The following IRF2 variants were observed in gnomAD, a reference collection of about 807,000 sequenced individuals.
IRF2 encodes interferon regulatory factor 2.
Under a neutral mutation model 40.6 loss-of-function variants are expected in IRF2, and 15 were observed. The ratio of observed to expected loss-of-function variants is 0.37; its 90% CI spans 0.25 to 0.57. The LOEUF is 0.57. Ranked by LOEUF, IRF2 falls within the 20% of genes least tolerant of loss-of-function variation. The probability of loss-of-function intolerance (pLI) is 0.77; values close to 1 mark genes in which losing one functional copy is unlikely to be tolerated. For missense variants in IRF2, 317 were observed against 455.7 expected, an observed-to-expected ratio of 0.70 and a Z score of 2.77; for synonymous variants, 151 against 165.5, an observed-to-expected ratio of 0.91 and a Z score of 0.67.
At chr4:184,415,909 G>A (rs1243568213) in intron 5 of IRF2, among the ~76,000 whole-genome samples, 1 of 152,144 alleles carries the variant, frequency 6.6e-6, no homozygotes, top group Non-Finnish European at 1.5e-5. Flanking sequence ...CTAGATAATG[G>A]GAAAAGAGTA....
chr4:184,424,643 G>C (rs1467290942), intron 2 of IRF2, among the ~76,000 whole-genome samples: 4 of 152,206 alleles, frequency 2.6e-5, no homozygotes, highest in African/African-American at 9.6e-5. Context: ...GCCCTCACCA[G>C]ATGCAGCCCC....
intron 6 of IRF2, among the ~76,000 whole-genome samples, chr4:184,401,299 G>A (rs902509525): frequency 2.0e-5 from 3 of 152,144 alleles, no homozygotes; most frequent in African/African-American, 7.2e-5. Flanking sequence ...TGATTTCTAC[G>A]CAGGGAAGGT....
At chr4:184,453,894 G>A (rs1309924203) in intron 1 of IRF2, among the ~76,000 whole-genome samples, 1 of 152,202 alleles carries the variant, frequency 6.6e-6, no homozygotes, top group Admixed American at 6.5e-5. Context: ...CAAGAGAGAG[G>A]AGATGTCAAT....
chr4:184,438,458 G>T (rs1156518218), intron 1 of IRF2, among the ~76,000 whole-genome samples: 1 of 152,186 alleles, frequency 6.6e-6, no homozygotes, highest in Non-Finnish European at 1.5e-5. Flanking sequence ...TTTATGAAAC[G>T]TTTGCTTCCA....
intron 2 of IRF2, among the ~76,000 whole-genome samples, chr4:184,427,570 C>CTTT (rs1320002275): frequency 6.6e-6 from 1 of 152,008 alleles, no homozygotes; most frequent in African/African-American, 2.4e-5. Flanking sequence ...CGCTTCAGCA[C>CTTT]AGAGGCAGAG....
Position 184,408,745 on chromosome 4 carries a change from C to T in IRF2, c.412-470G>A, listed in dbSNP as rs1736957352. Among the ~76,000 whole-genome samples the T allele has an allele frequency of 6.6e-6, 1 of 152,178 alleles. No individual in the cohort carries two copies. The highest frequency in any genetic ancestry group is 1.5e-5 in the Non-Finnish European group (1 of 68,032). On this transcript the variant is annotated intron_variant, in intron 5 of 8. Transcript: ENST00000393593. This position sits in a 1 kb window ranked among gnomAD's most constrained non-coding sequence, Gnocchi z 4.9. ...TCAGTGACTGGCCCAAGAACAGGAG[C>T]CCAGAGGACATTGTAGATGAATTCT...
At chr4:184,391,530 C>T (rs793779) in intron 7 of IRF2, among the ~76,000 whole-genome samples, 31,738 of 152,110 alleles carry the variant, frequency 0.21, 3,508 homozygotes, top group East Asian at 0.29. Context: ...CAGCAAGAGA[C>T]TGAGGCCCTT....
intron 6 of IRF2, among the ~76,000 whole-genome samples, chr4:184,400,995 A>T (rs778776611): frequency 2.6e-5 from 4 of 152,254 alleles, no homozygotes; most frequent in Admixed American, 6.5e-5. Flanking sequence ...ACCCATAAGG[A>T]TGACAGAGAA....
intron 1 of IRF2, among the ~76,000 whole-genome samples, chr4:184,462,547 A>G (rs1180807849): frequency 6.6e-6 from 1 of 152,244 alleles, no homozygotes; most frequent in African/African-American, 2.4e-5. Context: ...AGTTATTGTT[A>G]ACAAAGAACC....
chr4:184,430,964 G>A (rs1561107857), intron 1 of IRF2, among the ~76,000 whole-genome samples: 2 of 152,156 alleles, frequency 1.3e-5, no homozygotes. Context: ...CCAAAGTGCT[G>A]AGATTACAGA....
chr4:184,422,621 C>T (rs765076348), intron 2 of IRF2, among the ~76,000 whole-genome samples: 1 of 152,212 alleles, frequency 6.6e-6, no homozygotes, highest in East Asian at 1.9e-4. Context: ...AGTATTGACA[C>T]ATGCTACCAT....
At chr4:184,463,332 C>A (rs577494171) in intron 1 of IRF2, among the ~76,000 whole-genome samples, 2 of 152,304 alleles carry the variant, frequency 1.3e-5, no homozygotes, top group African/African-American at 4.8e-5. Flanking sequence ...TTTCCTTATG[C>A]TGCACCAACC....
rs987109894 is a variant in IRF2 at position 184,399,022 on chromosome 4, G to A, written c.587C>T (p.Pro196Leu). The change falls in exon 7 of 9, where the codon CCG (proline) becomes CTG (leucine). Residue 196 changes from proline to leucine, a missense_variant. By Grantham distance (98) the Pro-to-Leu change is moderately conservative. Transcript: ENST00000393593. ...NIENQEIVTN[P>L]PDICQVVEVT... is the part of the protein sequence containing the mutation. ...CTCTACAACTTGGCAAATGTCTGGC[G>A]GATTGGTGACAATCTCTTGATTCTC... 3.7e-6 allele frequency: 6 copies of A among 1,613,226 alleles called. No homozygotes were observed. The highest frequency in any genetic ancestry group is 5.1e-6 in the Non-Finnish European group (6 of 1,179,676).
At chr4:184,466,951 A>G (rs937296138) in intron 1 of IRF2, among the ~76,000 whole-genome samples, 1 of 152,170 alleles carries the variant, frequency 6.6e-6, no homozygotes, top group Non-Finnish European at 1.5e-5. Flanking sequence ...TGATATTATC[A>G]TCTTATGGGG....
chr4:184,414,724 A>G (rs1737202641), intron 5 of IRF2, among the ~76,000 whole-genome samples: 1 of 152,234 alleles, frequency 6.6e-6, no homozygotes, highest in South Asian at 2.1e-4. Context: ...CATGGAGATA[A>G]ATCATGAGTG....
intron 7 of IRF2, among the ~76,000 whole-genome samples, chr4:184,395,931 G>T (rs1736438879): frequency 6.6e-6 from 1 of 152,154 alleles, no homozygotes; most frequent in African/African-American, 2.4e-5. Flanking sequence ...TGCCACTGCT[G>T]GCAGAACAGC....
At chr4:184,396,502 G>A (rs1249961346) in intron 7 of IRF2, among the ~76,000 whole-genome samples, 2 of 151,550 alleles carry the variant, frequency 1.3e-5, no homozygotes, top group African/African-American at 4.8e-5. Flanking sequence ...GGTGCAACCA[G>A]GGCTCAATGA....
intron 1 of IRF2, among the ~76,000 whole-genome samples, chr4:184,436,071 G>T (rs11132246): frequency 6.6e-6 from 1 of 151,104 alleles, no homozygotes; most frequent in Non-Finnish European, 1.5e-5. Flanking sequence ...CTGCCTCCCA[G>T]GTTCAAGCAA....
chr4:184,459,288 A>C (rs539992291), intron 1 of IRF2, among the ~76,000 whole-genome samples: 1 of 152,346 alleles, frequency 6.6e-6, no homozygotes, highest in Admixed American at 6.5e-5. Context: ...AACAGAAAAA[A>C]AATAATTATT....
Sources: gnomAD v4.1 joint callset for allele counts (sites outside exome capture counted in the v4.1 genomes callset) on GRCh38, gnomAD v4.1.1 for gene constraint, Gnocchi (gnomAD v3.1) non-coding constraint, MANE v1.5 for transcripts, NCBI Gene and HGNC (gene_info 2026-07-23, HGNC 2026-07-21) for gene names.